The following TMEFF2 variants were observed in gnomAD, a reference collection of about 807,000 sequenced individuals.
The protein encoded by TMEFF2 is transmembrane protein with EGF like and two follistatin like domains 2.
Under a neutral mutation model 53.8 loss-of-function variants are expected in TMEFF2, and 28 were observed. The ratio of observed to expected loss-of-function variants is 0.52; its 90% CI spans 0.39 to 0.71. The LOEUF (loss-of-function observed/expected upper bound fraction) is 0.71. TMEFF2 is among the 30% of genes least tolerant of loss of function. The probability of loss-of-function intolerance (pLI) is 0.00; values close to 1 mark genes in which losing one functional copy is unlikely to be tolerated. For synonymous variants in TMEFF2, 162 were observed against 166.3 expected, an observed-to-expected ratio of 0.97 and a Z score of 0.20; for missense variants, 353 against 455.2, an observed-to-expected ratio of 0.78 and a Z score of 2.04.
chr2:192,132,186 C>T (rs1689854242), intron 4 of TMEFF2, among the ~76,000 whole-genome samples: 1 of 152,166 alleles, frequency 6.6e-6, no homozygotes, highest in South Asian at 2.1e-4. Flanking sequence ...CTCCCCTCCT[C>T]ACACCTGGTC....
At chr2:192,151,945 G>A (rs1233079822) in intron 4 of TMEFF2, among the ~76,000 whole-genome samples, 1 of 151,756 alleles carries the variant, frequency 6.6e-6, no homozygotes, top group Non-Finnish European at 1.5e-5. Flanking sequence ...GTTGGCTAAG[G>A]GTAATTGTTC....
At chr2:191,998,190 AG>A (rs1487384662) in intron 7 of TMEFF2, 71 bp downstream of exon 7, 1 of 1,190,564 alleles carries the variant, frequency 8.4e-7, no homozygotes, top group Non-Finnish European at 1.2e-6. Context: ...TGGAATAAGT[AG>A]TAAACAACCA....
intron 8 of TMEFF2, among the ~76,000 whole-genome samples, 167 bp from the exon 9 acceptor site, chr2:191,954,004 C>A (rs1329065083): frequency 6.7e-6 from 1 of 150,094 alleles, no homozygotes; most frequent in Non-Finnish European, 1.5e-5. Context: ...TCTCCTGCCT[C>A]AGCCTCCCGA....
chr2:192,112,574 G>C (rs1226487966), intron 4 of TMEFF2, among the ~76,000 whole-genome samples: 1 of 152,174 alleles, frequency 6.6e-6, no homozygotes, highest in Non-Finnish European at 1.5e-5. Flanking sequence ...CTGGGCTTCT[G>C]AGTTAATGCT....
intron 4 of TMEFF2, among the ~76,000 whole-genome samples, chr2:192,116,523 A>G (rs1689410572): frequency 1.3e-5 from 2 of 151,952 alleles, no homozygotes; most frequent in Admixed American, 6.6e-5. Flanking sequence ...TAAATGAATC[A>G]ATTCAATATA....
Position 192,186,131 on chromosome 2 carries a change from TA to T in TMEFF2, c.283-1649del, listed in dbSNP as rs1291224748. Among the ~76,000 whole-genome samples the T allele has an allele frequency of 9.8e-5, 15 of 152,300 alleles. No homozygotes were observed. In the East Asian group the frequency reaches 2.9e-3, roughly 29 times the overall value. On this transcript the variant is annotated intron_variant, in intron 2 of 9. Transcript: ENST00000272771. Reference sequence around the variant, plus strand: ...CTCAGTCTATGTATGTGATTATATTTAAAAAACTGATTTGATTAGAGCTTTT... The same window carrying T: ...CTCAGTCTATGTATGTGATTATATTTAAAAACTGATTTGATTAGAGCTTTT...
chr2:192,103,620 AAGGTAGTCTTGTTTTCAACTCTTC>A, intron 4 of TMEFF2, among the ~76,000 whole-genome samples: 1 of 152,124 alleles, frequency 6.6e-6, no homozygotes, highest in Non-Finnish European at 1.5e-5. Context: ...AGCTTACAGG[AAGGTAGTCTTGTTTTCAACTCTTC>A]AGGTAAAGAA....
At chr2:191,964,329 T>C (rs926185544) in intron 7 of TMEFF2, among the ~76,000 whole-genome samples, 11 of 114,990 alleles carry the variant, frequency 9.6e-5, no homozygotes, top group South Asian at 5.7e-4. Context: ...CCTTCCTTTC[T>C]TTCCTTCTTT....
chr2:192,079,252 TA>T (rs1331160337), intron 4 of TMEFF2, among the ~76,000 whole-genome samples: 2 of 152,344 alleles, frequency 1.3e-5, no homozygotes, highest in Non-Finnish European at 1.5e-5. Context: ...TGGGCTGACC[TA>T]ATCTTCACCA....
At chr2:192,108,897 C>T (rs1055249307) in intron 4 of TMEFF2, among the ~76,000 whole-genome samples, 1 of 151,890 alleles carries the variant, frequency 6.6e-6, no homozygotes, top group Non-Finnish European at 1.5e-5. Context: ...ATTTATGTTA[C>T]AACATTAATG....
Position 191,950,445 on chromosome 2 carries a change from C to T in TMEFF2, c.1029-38G>A, listed in dbSNP as rs750602619. The T allele has an allele frequency of 7.4e-5, 120 of 1,613,662 alleles. 1 individual carries two copies. In the South Asian group the frequency reaches 1.3e-3, roughly 18 times the overall value. On this transcript the variant is annotated intron_variant, in intron 9 of 9. Coordinates refer to ENST00000272771, the MANE Select transcript of TMEFF2 (RefSeq NM_016192.4). ...AAAGTTTACAAATCTCAGTCCAATG[C>T]TATTACCTAAAGTTTGGCCCTACAA...
At chr2:192,040,087 A>G (rs1177628684) in intron 5 of TMEFF2, among the ~76,000 whole-genome samples, 2 of 152,158 alleles carry the variant, frequency 1.3e-5, no homozygotes, top group Non-Finnish European at 2.9e-5. Context: ...TTTATTCAAA[A>G]TCATATTAAA....
chr2:192,040,627 G>A (rs1687450425), intron 5 of TMEFF2, among the ~76,000 whole-genome samples: 1 of 152,104 alleles, frequency 6.6e-6, no homozygotes, highest in African/African-American at 2.4e-5. Context: ...GGACGCTTTG[G>A]GGGTAGTTCT....
At chr2:191,985,043 A>G (rs114683988) in intron 7 of TMEFF2, among the ~76,000 whole-genome samples, 2,850 of 152,220 alleles carry the variant, frequency 0.019, 80 homozygotes, top group African/African-American at 0.065. Flanking sequence ...CAAATGAAAC[A>G]ATTACTTCTA....
chr2:192,075,314 T>C (rs923361463), intron 4 of TMEFF2, among the ~76,000 whole-genome samples: 5 of 79,848 alleles, frequency 6.3e-5, no homozygotes, highest in African/African-American at 1.8e-4. Flanking sequence ...TATATATATA[T>C]ATATATATAT....
At chr2:192,152,558 C>G (rs184132458) in intron 4 of TMEFF2, among the ~76,000 whole-genome samples, 9 of 152,048 alleles carry the variant, frequency 5.9e-5, no homozygotes, top group African/African-American at 2.2e-4. Flanking sequence ...TTCTTATTCA[C>G]GTTTTAAAGA....
chr2:192,004,184 T>G (rs542480968), intron 5 of TMEFF2, among the ~76,000 whole-genome samples: 133 of 152,268 alleles, frequency 8.7e-4, no homozygotes, highest in Admixed American at 2.2e-3. Flanking sequence ...CTAGGAGAGA[T>G]AACTTTGTGC....
intron 4 of TMEFF2, among the ~76,000 whole-genome samples, chr2:192,069,217 A>G (rs1256789543): frequency 6.6e-6 from 1 of 151,628 alleles, no homozygotes; most frequent in Non-Finnish European, 1.5e-5. Flanking sequence ...ACTGCCCCTC[A>G]AGCTCTGGTT....
intron 4 of TMEFF2, among the ~76,000 whole-genome samples, chr2:192,078,306 T>A (rs997133656): frequency 6.6e-5 from 10 of 152,178 alleles, no homozygotes; most frequent in African/African-American, 2.4e-4. Flanking sequence ...TATAGAAAGA[T>A]CTTGACATAT....
Sources: gnomAD v4.1 joint callset for allele counts (sites outside exome capture counted in the v4.1 genomes callset) on GRCh38, gnomAD v4.1.1 for gene constraint, MANE v1.5 for transcripts, NCBI Gene and HGNC (gene_info 2026-07-23, HGNC 2026-07-21) for gene names.